The following CAB39L variants were observed in gnomAD, a reference collection of about 807,000 sequenced individuals.
CAB39L encodes the protein calcium-binding protein 39-like.
Under a neutral mutation model 39.1 loss-of-function variants are expected in CAB39L, and 23 were observed. The observed-to-expected ratio is 0.59, with a 90% CI of 0.42 to 0.83. The LOEUF (loss-of-function observed/expected upper bound fraction) is 0.83, where lower values mean the gene tolerates loss of function less well. CAB39L is among the 40% of genes least tolerant of loss of function. The pLI is 0.00. For missense variants in CAB39L, 366 were observed against 391.9 expected (o/e 0.93, Z 0.56); for synonymous variants, 126 against 137.2 (o/e 0.92, Z 0.57).
At chr13:49,400,339 A>G (rs1193053808) in intron 3 of CAB39L, among the ~76,000 whole-genome samples, 1 of 152,028 alleles carries the variant, frequency 6.6e-6, no homozygotes, top group Non-Finnish European at 1.5e-5. Context: ...TATAATTGGC[A>G]TACACTCTCC....
At chr13:49,354,806 G>A (rs1566085360) in intron 6 of CAB39L, among the ~76,000 whole-genome samples, 2 of 152,118 alleles carry the variant, frequency 1.3e-5, no homozygotes, top group African/African-American at 2.4e-5. Flanking sequence ...TTTAATGAAA[G>A]CCAAAATGTA....
intron 4 of CAB39L, among the ~76,000 whole-genome samples, chr13:49,379,928 G>A (rs1398532307): frequency 2.0e-5 from 3 of 150,058 alleles, no homozygotes; most frequent in East Asian, 2.0e-4. Context: ...TGCAAGCTCC[G>A]CCTCCCAGGT....
At chr13:49,417,239 T>C (rs1957100325) in intron 3 of CAB39L, among the ~76,000 whole-genome samples, 1 of 152,252 alleles carries the variant, frequency 6.6e-6, no homozygotes. Context: ...AATTTCATTA[T>C]TTGAGTATAC....
At chr13:49,321,997 T>A (rs1954358697) in intron 10 of CAB39L, among the ~76,000 whole-genome samples, 1 of 152,224 alleles carries the variant, frequency 6.6e-6, no homozygotes, top group African/African-American at 2.4e-5. Flanking sequence ...TTTATTAAAA[T>A]TCAGACTATA....
At chr13:49,311,190 C>T (rs115131699) in intron 10 of CAB39L, among the ~76,000 whole-genome samples, 197 bp from the exon 11 acceptor site, 334 of 152,284 alleles carry the variant, frequency 2.2e-3, no homozygotes, top group African/African-American at 7.8e-3. Context: ...ACATTTCAGT[C>T]AACAACAGAC....
intron 6 of CAB39L, among the ~76,000 whole-genome samples, chr13:49,356,274 A>G (rs1955480884): frequency 6.6e-6 from 1 of 152,172 alleles, no homozygotes; most frequent in African/African-American, 2.4e-5. Flanking sequence ...ATTTTTTATA[A>G]TAAACTTAAA....
chr13:49,369,898 T>A (rs964846392), intron 5 of CAB39L, among the ~76,000 whole-genome samples: 1 of 106,752 alleles, frequency 9.4e-6, no homozygotes, highest in South Asian at 3.1e-4. Context: ...CATAGGAGAA[T>A]TTTTTAGGGT....
At position 49,359,016 on chromosome 13, in the gene CAB39L, A is replaced by C. The variant is rs1051595614; in HGVS notation, c.395+698T>G. ...TGAGATGGACTAGGTATGAAACAGC[A>C]GAATTGAAAACAGGAATACAATAAA... On this transcript the variant is annotated intron_variant, in intron 6 of 10. Coordinates refer to ENST00000409308, the MANE Select transcript of CAB39L (RefSeq NM_001079670.3). Among the ~76,000 whole-genome samples, 72 of 152,324 alleles carry C rather than the reference A, an allele frequency of 4.7e-4. 1 individual carries two copies. Among genetic ancestry groups the C allele is most frequent in the African/African-American group, 1.6e-3 (67 of 41,578 alleles).
intron 3 of CAB39L, among the ~76,000 whole-genome samples, chr13:49,406,333 A>AATTTTTT (rs1555264228): frequency 1.1e-5 from 1 of 90,632 alleles, no homozygotes; most frequent in Non-Finnish European, 2.2e-5. Context: ...ATGCCCAGCT[A>AATTTTTT]TTTTTTTTTT....
chr13:49,369,523 A>T (rs537185602), intron 5 of CAB39L, among the ~76,000 whole-genome samples: 196 of 152,338 alleles, frequency 1.3e-3, no homozygotes, highest in African/African-American at 4.5e-3. Flanking sequence ...ATAAGGACTG[A>T]AAACTGATCA....
chr13:49,342,923 T>A (rs934074003), intron 8 of CAB39L, among the ~76,000 whole-genome samples: 1 of 152,226 alleles, frequency 6.6e-6, no homozygotes, highest in Non-Finnish European at 1.5e-5. Context: ...TAAAATAACA[T>A]TTTTCGTATG....
chr13:49,384,909 T>C (rs901792090), intron 3 of CAB39L, among the ~76,000 whole-genome samples: 1 of 152,194 alleles, frequency 6.6e-6, no homozygotes, highest in Non-Finnish European at 1.5e-5. Context: ...ACAGGCCAAA[T>C]AGATTTAGCA....
chr13:49,380,732 C>T (rs1235008392), intron 4 of CAB39L, among the ~76,000 whole-genome samples: 1 of 152,088 alleles, frequency 6.6e-6, no homozygotes, highest in Non-Finnish European at 1.5e-5. Flanking sequence ...ATTTAGTTAA[C>T]AATTTGTCTG....
At chr13:49,422,568 G>C (rs1040943679) in intron 3 of CAB39L, among the ~76,000 whole-genome samples, 2 of 151,868 alleles carry the variant, frequency 1.3e-5, no homozygotes, top group Admixed American at 1.3e-4. Flanking sequence ...GCGAGACTCT[G>C]TCTCAAAATA....
intron 10 of CAB39L, among the ~76,000 whole-genome samples, chr13:49,312,398 A>G (rs1184045097): frequency 6.6e-6 from 1 of 151,990 alleles, no homozygotes; most frequent in Non-Finnish European, 1.5e-5. Flanking sequence ...CAGGTGTACC[A>G]TTTTTTCTCT....
intron 10 of CAB39L, among the ~76,000 whole-genome samples, chr13:49,327,324 GAC>G (rs1954533734): frequency 1.3e-5 from 2 of 151,934 alleles, no homozygotes; most frequent in African/African-American, 4.8e-5. Flanking sequence ...GTTTTTTTGA[GAC>G]AGAGTCTCGC....
At chr13:49,391,348 A>C (rs1242523582) in intron 3 of CAB39L, among the ~76,000 whole-genome samples, 1 of 152,236 alleles carries the variant, frequency 6.6e-6, no homozygotes, top group East Asian at 1.9e-4. Context: ...GAGGAGAAAC[A>C]GAAAAATGAG....
rs531968984 is a variant in CAB39L at position 49,371,633 on chromosome 13, A to G, written c.276+5334T>C. Among the ~76,000 whole-genome samples, 108 of 152,042 alleles carry G rather than the reference A, an allele frequency of 7.1e-4. 1 individual carries two copies. Among genetic ancestry groups the G allele is most frequent in the East Asian group, 1.4e-3 (7 of 5,164 alleles). ...TTCTTTTGAGACAGGGTCTCATTCT[A>G]TTACCCAGGCTGGAGTGCAGTAGCA... On this transcript the variant is annotated intron_variant, in intron 5 of 10. Transcript: ENST00000409308.
At chr13:49,341,508 G>T (rs1955005469) in intron 8 of CAB39L, among the ~76,000 whole-genome samples, 1 of 152,068 alleles carries the variant, frequency 6.6e-6, no homozygotes. Flanking sequence ...GCCTCTTTCA[G>T]TCTATACATT....
Sources: gnomAD v4.1 joint callset for allele counts (sites outside exome capture counted in the v4.1 genomes callset) on GRCh38, gnomAD v4.1.1 for gene constraint, MANE v1.5 for transcripts, NCBI Gene and HGNC (gene_info 2026-07-23, HGNC 2026-07-21) for gene names.